CYFIP1: variants seen among roughly 807,000 people sequenced by gnomAD.
CYFIP1 encodes cytoplasmic FMR1-interacting protein 1.
In CYFIP1, 58 loss-of-function variants were observed where a neutral mutation model predicts 163.5. That is an observed-to-expected ratio of 0.35 (90% CI 0.29 to 0.44). The LOEUF (loss-of-function observed/expected upper bound fraction) is 0.44, where lower values mean the gene tolerates loss of function less well. Ranked by LOEUF, CYFIP1 falls within the 20% of genes least tolerant of loss-of-function variation. The pLI is 1.00. For missense variants in CYFIP1, 1,338 were observed against 1,653.8 expected (o/e 0.81, Z 3.31); for synonymous variants, 663 against 660.7 (o/e 1.00, Z -0.05).
chr15:22,925,862 G>C, intron 13 of CYFIP1, 120 bp downstream of exon 13: 1 of 1,411,608 alleles, frequency 7.1e-7, no homozygotes. Flanking sequence ...AGATGGAAAG[G>C]GGTGCCCACA....
intron 8 of CYFIP1, 140 bp downstream of exon 8, chr15:22,939,052 C>T (rs1031566624): frequency 2.0e-6 from 2 of 1,010,438 alleles, no homozygotes; most frequent in African/African-American, 3.2e-5. Flanking sequence ...AGGCTGTGTG[C>T]AAGGGCAGGA....
intron 10 of CYFIP1, among the ~76,000 whole-genome samples, 158 bp from the exon 11 acceptor site, chr15:22,932,498 A>T (rs563335794): frequency 6.6e-6 from 1 of 152,376 alleles, no homozygotes; most frequent in South Asian, 2.1e-4. Context: ...TATCCGAAGG[A>T]GACCACCTGT....
At position 22,947,051 on chromosome 15, in the gene CYFIP1, A is replaced by G; in HGVS notation, c.159T>C (p.Val53=). Residue 53 remains valine, a synonymous_variant, in exon 3 of 31, where the codon GTT becomes GTC. Transcript: ENST00000617928. The part of the protein sequence containing the change: ...NTNFEDRNAF[V]TGIARYIEQA... ...GTTCAATGTATCTTGCGATGCCAGT[A>G]ACAAATGCATTTCTGTCTTCAAAGT... 6.2e-7 allele frequency: 1 copy of G among 1,614,194 alleles called. No individual in the cohort carries two copies. Among genetic ancestry groups the G allele is most frequent in the Non-Finnish European group, 8.5e-7 (1 of 1,180,004 alleles).
chr15:22,962,604 A>G (rs910290989), intron 1 of CYFIP1, among the ~76,000 whole-genome samples: 1 of 151,306 alleles, frequency 6.6e-6, no homozygotes, highest in African/African-American at 2.4e-5. Context: ...GGATTTCTCC[A>G]TGTTGGTCAA....
intron 13 of CYFIP1, among the ~76,000 whole-genome samples, chr15:22,925,108 A>G (rs943900734): frequency 2.6e-5 from 4 of 152,162 alleles, no homozygotes; most frequent in Admixed American, 2.0e-4. Flanking sequence ...ATGGAGGTGG[A>G]ACCCAAGAAC....
chr15:22,965,519 A>G (rs766474465), intron 1 of CYFIP1, among the ~76,000 whole-genome samples: 1 of 152,220 alleles, frequency 6.6e-6, no homozygotes, highest in Non-Finnish European at 1.5e-5. Context: ...GCCTGGGAGC[A>G]ACAGGCTCTA....
intron 2 of CYFIP1, 22 bp from the exon 3 acceptor site, chr15:22,947,114 A>G: frequency 1.2e-6 from 2 of 1,614,102 alleles, no homozygotes; most frequent in Non-Finnish European, 1.7e-6. Flanking sequence ...GAAGAGAAAA[A>G]CATCATGTGG....
At chr15:22,930,387 C>CT in intron 11 of CYFIP1, among the ~76,000 whole-genome samples, 1 of 79,298 alleles carries the variant, frequency 1.3e-5, no homozygotes, top group Non-Finnish European at 3.0e-5. Flanking sequence ...CTCCGTCTCA[C>CT]CCAAAAAAAA....
rs550514922 is a variant in CYFIP1, at chr15:22,873,275, T to C, written c.3449+216A>G. 1.1e-4 allele frequency among the ~76,000 whole-genome samples: 17 copies of C among 152,232 alleles called. 1 individual carries two copies. The South Asian group carries it at 3.5e-3, about 32-fold the overall frequency. On this transcript the variant is annotated intron_variant, in intron 29 of 30. Coordinates refer to ENST00000617928, the MANE Select transcript of CYFIP1 (RefSeq NM_014608.6). The stretch of plus-strand genomic sequence containing the variant: ...AAATGCACGCCCAACGTGCATACAA[T>C]TGCCGTGGGTTCAGAGACTCCCTGA...
rs2061948626 is a variant in CYFIP1 at position 22,943,208 on chromosome 15, C to T, written c.534G>A (p.Lys178=). 2 of 1,614,120 alleles carry T rather than the reference C, an allele frequency of 1.2e-6. No individual in the cohort carries two copies. Among genetic ancestry groups the T allele is most frequent in the South Asian group, 2.2e-5 (2 of 91,096 alleles). ...CTGAGTGGTCGTTCTTCACACTGCA[C>T]TTCATGTTCTTCAGCTCGTCCAGCA... ...FAVLDELKNM[K]CSVKNDHSAY... Residue 178 remains lysine (K), a synonymous_variant, in exon 6 of 31, where the codon AAG becomes AAA. Transcript: ENST00000617928.
At chr15:22,936,398 A>G (rs1213283918) in intron 9 of CYFIP1, among the ~76,000 whole-genome samples, 2 of 152,222 alleles carry the variant, frequency 1.3e-5, no homozygotes, top group African/African-American at 4.8e-5. Context: ...GAAAGCCATT[A>G]GGGAAACATG....
intron 21 of CYFIP1, among the ~76,000 whole-genome samples, chr15:22,907,582 A>G (rs1207084389): frequency 1.3e-5 from 2 of 152,212 alleles, no homozygotes; most frequent in South Asian, 2.1e-4. Context: ...GAAAATGCAC[A>G]CTGTAAACCC....
chr15:22,885,841 C>T (rs2059913028), intron 23 of CYFIP1, among the ~76,000 whole-genome samples: 1 of 152,192 alleles, frequency 6.6e-6, no homozygotes, highest in Admixed American at 6.5e-5. Context: ...CCAACCTCTG[C>T]CTGTTACCCA....
chr15:22,919,284 A>G lies in CYFIP1; in HGVS notation c.1360-426T>C, dbSNP rs144045890. 4.2e-3 allele frequency among the ~76,000 whole-genome samples: 641 copies of G among 152,306 alleles called. 2 individuals are homozygous for G. The highest frequency in any genetic ancestry group is 0.014 in the African/African-American group (591 of 41,558). On this transcript the variant is annotated intron_variant, in intron 13 of 30. Transcript: ENST00000617928. Reference sequence around the variant, plus strand: ...ACCATTCACAGAAAAAGCCTGGAAGACTCTGATGGAACATAATTACATGAC... The same window carrying G: ...ACCATTCACAGAAAAAGCCTGGAAGGCTCTGATGGAACATAATTACATGAC...
Position 22,910,523 on chromosome 15 carries a change from C to T in CYFIP1, c.2265G>A (p.Val755=). The part of the protein sequence containing the change: ...RYETLLKQRH[V]QLLGRSIDLN... ...CCACAGCCCGGCCCCAGCTCACCTG[C>T]ACATGCCTCTGCTTCAGCAGCGTCT... The change falls in exon 20 of 31, where the codon GTG becomes GTA. Residue 755 remains valine (V), a synonymous_variant. Coordinates refer to ENST00000617928, the MANE Select transcript of CYFIP1 (RefSeq NM_014608.6). 2 of 1,613,544 alleles carry T rather than the reference C, an allele frequency of 1.2e-6. No individual in the cohort carries two copies. Among genetic ancestry groups the T allele is most frequent in the South Asian group, 2.2e-5 (2 of 91,076 alleles).
intron 1 of CYFIP1, among the ~76,000 whole-genome samples, chr15:22,953,670 T>A (rs1170202804): frequency 3.3e-5 from 5 of 152,184 alleles, no homozygotes; most frequent in Non-Finnish European, 7.3e-5. Context: ...GCTGCCACAG[T>A]GCAAATATCC....
rs536576195 is a variant in CYFIP1, at chr15:22,972,265, G to A, written c.-7+8022C>T. Among the ~76,000 whole-genome samples, 9 of 152,166 alleles carry A rather than the reference G, an allele frequency of 5.9e-5. No homozygotes were observed. The South Asian group carries it at 1.5e-3, about 25-fold the overall frequency. ...AGCCTGGCCAACATGGTGAAACACC[G>A]TCTCTGCTAAAAACAAAAAAATTAG... On this transcript the variant is annotated intron_variant, in intron 1 of 30. Transcript: ENST00000617928.
At chr15:22,893,227 C>T (rs1299731600) in intron 22 of CYFIP1, among the ~76,000 whole-genome samples, 2 of 152,182 alleles carry the variant, frequency 1.3e-5, no homozygotes, top group Admixed American at 6.5e-5. Flanking sequence ...GTACCAGAGC[C>T]GCCTCGAGCC....
intron 22 of CYFIP1, among the ~76,000 whole-genome samples, chr15:22,897,516 C>T (rs1436745727): frequency 6.7e-6 from 1 of 150,182 alleles, no homozygotes; most frequent in Non-Finnish European, 1.5e-5. Context: ...TAAAGATAGT[C>T]TCTGTCACCC....
Sources: allele counts gnomAD v4.1 joint callset (sites outside exome capture counted in the v4.1 genomes callset), GRCh38; gene constraint gnomAD v4.1.1; transcripts MANE v1.5; gene names NCBI Gene and HGNC (gene_info 2026-07-23, HGNC 2026-07-21).